The following CAP2 variants were observed in gnomAD, a reference collection of about 807,000 sequenced individuals.
CAP2 encodes the protein adenylyl cyclase-associated protein 2.
CAP2 carries 24 observed loss-of-function variants against 57.7 expected under a neutral mutation model. The observed-to-expected ratio is 0.42, with a 90% CI of 0.30 to 0.58. The LOEUF (loss-of-function observed/expected upper bound fraction) is 0.58. CAP2 is among the 20% of genes least tolerant of loss of function. CAP2 has a pLI of 0.22. For synonymous variants in CAP2, 194 were observed against 207.2 expected (o/e 0.94, Z 0.55); for missense variants, 501 against 590.3 (o/e 0.85, Z 1.57).
chr6:17,487,247 A>G (rs1487781597), intron 4 of CAP2, among the ~76,000 whole-genome samples: 2 of 152,046 alleles, frequency 1.3e-5, no homozygotes, highest in African/African-American at 4.8e-5. Context: ...GTCGCTTATC[A>G]AGCCCCTGAG....
chr6:17,502,589 C>A (rs1761853798), intron 4 of CAP2, among the ~76,000 whole-genome samples: 1 of 151,956 alleles, frequency 6.6e-6, no homozygotes, highest in African/African-American at 2.4e-5. Context: ...CTTTATGATG[C>A]TTTCATCAGA....
chr6:17,512,520 A>T, intron 6 of CAP2, among the ~76,000 whole-genome samples: 1 of 152,220 alleles, frequency 6.6e-6, no homozygotes, highest in East Asian at 1.9e-4. Context: ...GTACATTTAT[A>T]TTGAAGTAAT....
intron 8 of CAP2, among the ~76,000 whole-genome samples, chr6:17,540,618 G>C (rs1419730143): frequency 6.6e-6 from 1 of 152,096 alleles, no homozygotes; most frequent in African/African-American, 2.4e-5. Context: ...TAAGCGTGTG[G>C]TGGTGCATGC....
At chr6:17,533,078 CAAAAAAAAA>C (rs58337644) in intron 7 of CAP2, among the ~76,000 whole-genome samples, 1 of 87,556 alleles carries the variant, frequency 1.1e-5, no homozygotes, top group Non-Finnish European at 2.2e-5. Context: ...CACCCCCCAC[CAAAAAAAAA>C]AAAAAAAAAA....
chr6:17,511,850 A>G (rs772659798), intron 6 of CAP2, among the ~76,000 whole-genome samples: 15 of 152,042 alleles, frequency 9.9e-5, no homozygotes, highest in Non-Finnish European at 1.9e-4. Flanking sequence ...ACATTCCCCT[A>G]CCATAGCTTC....
chr6:17,514,617 G>A (rs959211743), intron 7 of CAP2, among the ~76,000 whole-genome samples: 1 of 151,728 alleles, frequency 6.6e-6, no homozygotes, highest in Non-Finnish European at 1.5e-5. Context: ...GGGTGTGGTG[G>A]CACATGCCTG....
chr6:17,427,052 G>T (rs1759610008), intron 3 of CAP2, among the ~76,000 whole-genome samples: 1 of 152,220 alleles, frequency 6.6e-6, no homozygotes, highest in Non-Finnish European at 1.5e-5. Context: ...TCATGATTTA[G>T]AGTGCTGGAA....
chr6:17,556,436 G>A lies in CAP2; in HGVS notation c.1428G>A (p.Met476Ile), dbSNP rs1048100485. 4.3e-6 allele frequency: 7 copies of A among 1,610,336 alleles called. No homozygotes were observed. In the African/African-American group the frequency reaches 9.4e-5, roughly 22 times the overall value. ...TAATCACTGAACCTGCAGAAATTAT[G>A]GCCTAACTTCCTGAGAGACCGAACC... The part of the protein sequence containing the change: ...SKLITEPAEI[M>I]A Residue 476 changes from methionine (M) to isoleucine (I), a missense_variant, in exon 13 of 13, where the codon ATG (methionine) becomes ATA (isoleucine). By Grantham distance (10) the Met-to-Ile change is conservative (BLOSUM62 1). Coordinates refer to ENST00000229922, the MANE Select transcript of CAP2 (RefSeq NM_006366.3).
intron 7 of CAP2, among the ~76,000 whole-genome samples, chr6:17,529,669 T>G (rs1468912599): frequency 6.8e-6 from 1 of 147,692 alleles, no homozygotes; most frequent in Non-Finnish European, 1.5e-5. Context: ...TATATATATA[T>G]ATGTATAAAC....
intron 2 of CAP2, 105 bp downstream of exon 2, chr6:17,421,781 T>C (rs1197965216): frequency 2.3e-6 from 3 of 1,287,406 alleles, no homozygotes; most frequent in African/African-American, 1.5e-5. Flanking sequence ...TCAGCTTCCC[T>C]ACTCCTTCCA....
intron 3 of CAP2, among the ~76,000 whole-genome samples, chr6:17,430,998 A>G (rs1180941550): frequency 2.0e-5 from 3 of 152,174 alleles, no homozygotes; most frequent in Admixed American, 1.3e-4. Flanking sequence ...TACATTTTAA[A>G]TGTTTGTAGG....
intron 4 of CAP2, among the ~76,000 whole-genome samples, chr6:17,488,140 T>C (rs1172744703): frequency 2.6e-5 from 4 of 152,180 alleles, no homozygotes; most frequent in African/African-American, 7.2e-5. Context: ...ACTCCTGGAC[T>C]CAAGTGATCC....
intron 4 of CAP2, among the ~76,000 whole-genome samples, chr6:17,474,054 A>G (rs1387141314): frequency 1.3e-5 from 2 of 152,170 alleles, no homozygotes; most frequent in Non-Finnish European, 2.9e-5. Context: ...TAGCTAGTCA[A>G]CATTGCCAGA....
At chr6:17,415,665 A>G (rs1561775152) in intron 1 of CAP2, among the ~76,000 whole-genome samples, 2 of 152,318 alleles carry the variant, frequency 1.3e-5, no homozygotes, top group East Asian at 1.9e-4. Flanking sequence ...ACCCAACCTC[A>G]GCCCCTGAAA....
intron 1 of CAP2, among the ~76,000 whole-genome samples, chr6:17,414,088 A>C (rs1052452191): frequency 1.3e-5 from 2 of 151,834 alleles, no homozygotes; most frequent in African/African-American, 4.8e-5. Flanking sequence ...AATCTAGGAC[A>C]GTCTGATTTG....
At chr6:17,453,028 C>T (rs534603060) in intron 3 of CAP2, among the ~76,000 whole-genome samples, 88 of 152,340 alleles carry the variant, frequency 5.8e-4, no homozygotes, top group African/African-American at 1.9e-3. Flanking sequence ...GTTTCTCCAT[C>T]AACTACTTAT....
rs1763320516 is a variant in CAP2, at chr6:17,556,573, G to C, written c.*131G>C. Reference sequence around the variant, plus strand: ...TGGCCTCCAACGATTCTGTGCTATAGATACAGCACTGTTTCTGGCACGCCT... The same window carrying C: ...TGGCCTCCAACGATTCTGTGCTATACATACAGCACTGTTTCTGGCACGCCT... On this transcript the variant is annotated 3_prime_UTR_variant, in exon 13 of 13. Transcript: ENST00000229922. The C allele has an allele frequency of 3.0e-6, 2 of 658,642 alleles. No individual in the cohort carries two copies. Among genetic ancestry groups the C allele is most frequent in the East Asian group, 2.6e-5 (1 of 38,640 alleles). The allele number at this position is 658,642 out of a possible 1,614,324, so 40.8% of individuals were successfully genotyped here.
At chr6:17,434,838 AAAAC>A (rs1284333096) in intron 3 of CAP2, among the ~76,000 whole-genome samples, 7 of 151,322 alleles carry the variant, frequency 4.6e-5, no homozygotes, top group South Asian at 4.2e-4. Context: ...TTACAAGAAA[AAAAC>A]AAACAACCCC....
intron 1 of CAP2, among the ~76,000 whole-genome samples, chr6:17,401,322 A>G (rs1007841565): frequency 2.0e-5 from 3 of 152,218 alleles, no homozygotes; most frequent in African/African-American, 7.2e-5. Flanking sequence ...CTTGATCTGC[A>G]TTGATCTTGG....
Sources: allele counts gnomAD v4.1 joint callset (sites outside exome capture counted in the v4.1 genomes callset), GRCh38; gene constraint gnomAD v4.1.1; transcripts MANE v1.5; gene names NCBI Gene and HGNC (gene_info 2026-07-23, HGNC 2026-07-21).